The following KANK4 variants were observed in gnomAD, a reference collection of about 807,000 sequenced individuals.
The protein encoded by KANK4 is KN motif and ankyrin repeat domain-containing protein 4.
A neutral mutation model predicts 80.8 loss-of-function variants in KANK4; 50 were observed. The ratio of observed to expected loss-of-function variants is 0.62; its 90% confidence interval spans 0.49 to 0.78. The LOEUF (loss-of-function observed/expected upper bound fraction) is 0.78. KANK4 is among the 30% of genes least tolerant of loss of function. The probability of loss-of-function intolerance (pLI) is 0.00; values close to 1 mark genes in which losing one functional copy is unlikely to be tolerated. For missense variants in KANK4, 1,196 were observed against 1,240.1 expected, an observed-to-expected ratio of 0.96 and a Z score of 0.53; for synonymous variants, 465 against 506.9, an observed-to-expected ratio of 0.92 and a Z score of 1.11.
intron 6 of KANK4, among the ~76,000 whole-genome samples, chr1:62,264,164 TC>T (rs1305805341): frequency 6.6e-6 from 1 of 152,216 alleles, no homozygotes; most frequent in Non-Finnish European, 1.5e-5. Context: ...TCGCCTGTAA[TC>T]CCAACACTTT....
At chr1:62,263,350 G>C in intron 6 of KANK4, 39 bp from the exon 7 acceptor site, 2 of 1,533,080 alleles carry the variant, frequency 1.3e-6, no homozygotes, top group Non-Finnish European at 1.8e-6. Flanking sequence ...GAGGTTCCCC[G>C]GCCAGCAAGA....
intron 8 of KANK4, among the ~76,000 whole-genome samples, chr1:62,252,323 T>C (rs926999033): frequency 1.3e-5 from 2 of 152,248 alleles, no homozygotes; most frequent in African/African-American, 4.8e-5. Context: ...GCTCCCAGCC[T>C]GGCCCATAGC....
At chr1:62,303,480 A>C (rs1038262496) in intron 1 of KANK4, among the ~76,000 whole-genome samples, 7 of 152,150 alleles carry the variant, frequency 4.6e-5, no homozygotes, top group African/African-American at 1.7e-4. Flanking sequence ...CCCGACCCAA[A>C]GGCACCCTAA....
intron 1 of KANK4, among the ~76,000 whole-genome samples, chr1:62,298,684 C>G (rs1246785757): frequency 6.6e-6 from 1 of 152,178 alleles, no homozygotes; most frequent in East Asian, 1.9e-4. Context: ...GTAACACTCT[C>G]CACTGTATAA....
chr1:62,268,279 T>A lies in KANK4; in HGVS notation c.2231+8A>T. On this transcript the variant is annotated splice_region_variant and intron_variant, in intron 5 of 9. Coordinates refer to ENST00000371153, the MANE Select transcript of KANK4 (RefSeq NM_181712.5). ...AACAAGTGCCCGCGTTTGTGTCCAT[T>A]TGCTCACCTCTCGGCCTTGGAGTGG... 3.1e-6 allele frequency: 5 copies of A among 1,611,550 alleles called. No homozygotes were observed. The highest frequency in any genetic ancestry group is 4.2e-6 in the Non-Finnish European group (5 of 1,178,542).
intron 1 of KANK4, among the ~76,000 whole-genome samples, chr1:62,296,740 A>G (rs1276617658): frequency 6.6e-6 from 1 of 151,780 alleles, no homozygotes; most frequent in Non-Finnish European, 1.5e-5. Context: ...GTGTTTTGGC[A>G]TGTTGTCCAG....
At chr1:62,297,129 A>C (rs947332191) in intron 1 of KANK4, among the ~76,000 whole-genome samples, 52 of 152,110 alleles carry the variant, frequency 3.4e-4, no homozygotes, top group Admixed American at 2.6e-4. Context: ...AGGCAGGAGA[A>C]TAGCTTGAAC....
Position 62,305,766 on chromosome 1 carries a change from C to G in KANK4, c.-71+13340G>C, listed in dbSNP as rs149601919. Among the ~76,000 whole-genome samples, 189 of 152,224 alleles carry G rather than the reference C, an allele frequency of 1.2e-3. 1 individual carries two copies. Among genetic ancestry groups the G allele is most frequent in the African/African-American group, 4.5e-3 (186 of 41,532 alleles). ...AATCCAAAGAATGGAAGATGTTAAGCAGGGGTTGCTTTCTCCTGACACTGC... is the reference window on the plus strand; with the variant it reads ...AATCCAAAGAATGGAAGATGTTAAGGAGGGGTTGCTTTCTCCTGACACTGC... On this transcript the variant is annotated intron_variant, in intron 1 of 9. Transcript: ENST00000371153.
Position 62,268,267 on chromosome 1 carries a change from G to A in KANK4, c.2231+20C>T, listed in dbSNP as rs11207950. 0.41 allele frequency: 662,736 copies of A among 1,598,430 alleles called. 140,911 individuals carry two copies. Among genetic ancestry groups the A allele is most frequent in the African/African-American group, 0.58 (43,062 of 74,612 alleles). On this transcript the variant is annotated intron_variant, in intron 5 of 9. Transcript: ENST00000371153. ...CTTTTTCAGAGGAACAAGTGCCCGC[G>A]TTTGTGTCCATTTGCTCACCTCTCG...
At chr1:62,286,553 AAC>A in intron 1 of KANK4, among the ~76,000 whole-genome samples, 1 of 152,318 alleles carries the variant, frequency 6.6e-6, no homozygotes, top group Non-Finnish European at 1.5e-5. Flanking sequence ...ACATCCAAAC[AAC>A]ACACAATCTT....
intron 6 of KANK4, 106 bp from the exon 7 acceptor site, chr1:62,263,417 A>G: frequency 1.2e-6 from 1 of 866,098 alleles, no homozygotes; most frequent in South Asian, 1.5e-5. Flanking sequence ...AGCTCCCTCC[A>G]GCTTGCCATG....
chr1:62,246,339 C>G (rs1339794944), intron 9 of KANK4, among the ~76,000 whole-genome samples: 1 of 152,166 alleles, frequency 6.6e-6, no homozygotes, highest in South Asian at 2.1e-4. Flanking sequence ...CCGAGAGGCA[C>G]TTTCAGTTAA....
chr1:62,247,075 G>A (rs1373940782), intron 9 of KANK4, among the ~76,000 whole-genome samples: 2 of 148,218 alleles, frequency 1.3e-5, no homozygotes, highest in African/African-American at 4.9e-5. Context: ...TTTTTTTTAA[G>A]AGACAGGGTC....
intron 8 of KANK4, among the ~76,000 whole-genome samples, chr1:62,250,299 T>C (rs985780642): frequency 4.6e-5 from 7 of 152,224 alleles, no homozygotes; most frequent in East Asian, 1.9e-4. Context: ...CCAGCTGTTA[T>C]TAAAGCCAGA....
intron 7 of KANK4, among the ~76,000 whole-genome samples, chr1:62,262,593 C>T (rs762923294): frequency 1.1e-4 from 16 of 151,864 alleles, no homozygotes; most frequent in Non-Finnish European, 1.6e-4. Context: ...AAATATATAA[C>T]GTATACTCAC....
rs1183496755 is a variant in KANK4 at position 62,319,296 on chromosome 1, G to A, written c.-261C>T. On this transcript the variant is annotated 5_prime_UTR_variant, in exon 1 of 10. Transcript: ENST00000371153. ...ACCCTCCAGGCGCCCTCTGGCCGAC[G>A]GTCTCGGCCCTGGCCCCGGCGCACC... 2 of 151,868 alleles carry A rather than the reference G, an allele frequency of 1.3e-5. No individual in the cohort carries two copies. The highest frequency in any genetic ancestry group is 2.4e-5 in the African/African-American group (1 of 41,392). The allele number at this position is 151,868 out of a possible 1,614,324, so 9.4% of individuals were successfully genotyped here.
At chr1:62,292,697 C>A (rs1399390502) in intron 1 of KANK4, among the ~76,000 whole-genome samples, 2 of 152,180 alleles carry the variant, frequency 1.3e-5, no homozygotes, top group Admixed American at 6.5e-5. Flanking sequence ...CTTCAGAAAT[C>A]TCAGTTTGAT....
chr1:62,246,973 C>A (rs1671480796), intron 9 of KANK4, among the ~76,000 whole-genome samples: 1 of 152,028 alleles, frequency 6.6e-6, no homozygotes, highest in Admixed American at 6.6e-5. Context: ...GTTGGCCAGG[C>A]CGGTCTCAAA....
chr1:62,264,129 C>G (rs531002900), intron 6 of KANK4, among the ~76,000 whole-genome samples: 1 of 152,304 alleles, frequency 6.6e-6, no homozygotes, highest in South Asian at 2.1e-4. Flanking sequence ...AGTTTAATCC[C>G]TGGCTCGGCC....
Sources: gnomAD v4.1 joint callset for allele counts (sites outside exome capture counted in the v4.1 genomes callset) on GRCh38, gnomAD v4.1.1 for gene constraint, MANE v1.5 for transcripts, NCBI Gene and HGNC (gene_info 2026-07-23, HGNC 2026-07-21) for gene names.